The following CHD6 variants were observed in gnomAD, a reference collection of about 807,000 sequenced individuals.
CHD6 encodes the protein chromodomain helicase DNA binding protein 6, also known as ATP-dependent chromatin remodeler CHD6.
CHD6 carries 50 observed loss-of-function variants against 276.9 expected under a neutral mutation model. That is an observed-to-expected ratio of 0.18 (90% CI 0.14 to 0.23). The LOEUF (loss-of-function observed/expected upper bound fraction) is 0.23, where lower values mean the gene tolerates loss of function less well. Among genes scored for constraint, CHD6 ranks in the 10% least tolerant of loss-of-function variants. The pLI, the probability that CHD6 is intolerant of heterozygous loss-of-function variation, is 1.00. For missense variants in CHD6, 2,564 were observed against 3,365.8 expected (o/e 0.76, Z 5.89); for synonymous variants, 1,173 against 1,229.3 (o/e 0.95, Z 0.96).
chr20:41,558,295 CAT>C (rs1415042400), intron 1 of CHD6, among the ~76,000 whole-genome samples: 1 of 152,148 alleles, frequency 6.6e-6, no homozygotes, highest in Non-Finnish European at 1.5e-5. Context: ...GACGACGAGA[CAT>C]GTGAATGTCT....
chr20:41,422,134 G>A (rs572636201), intron 30 of CHD6, 55 bp from the exon 31 acceptor site: 42 of 1,514,766 alleles, frequency 2.8e-5, no homozygotes, highest in Middle Eastern at 1.8e-4. Flanking sequence ...GACACTCCCC[G>A]CCCACCTGAG....
intron 12 of CHD6, among the ~76,000 whole-genome samples, chr20:41,488,847 C>T (rs1018758478): frequency 6.6e-6 from 1 of 152,112 alleles, no homozygotes; most frequent in African/African-American, 2.4e-5. Flanking sequence ...GAAGGATGGG[C>T]AATATGGAAG....
At chr20:41,554,473 G>A (rs1265446071) in intron 1 of CHD6, among the ~76,000 whole-genome samples, 1 of 151,616 alleles carries the variant, frequency 6.6e-6, no homozygotes, top group African/African-American at 2.4e-5. Flanking sequence ...CAATAGTGGA[G>A]GGAAGGTCAG....
intron 2 of CHD6, among the ~76,000 whole-genome samples, chr20:41,537,999 C>T (rs189042222): frequency 1.2e-4 from 18 of 152,316 alleles, no homozygotes; most frequent in South Asian, 2.1e-4. Flanking sequence ...CATCGACAGA[C>T]GAACAGGCAA....
Position 41,554,377 on chromosome 20 carries a change from T to TA in CHD6, c.-23-3018_-23-3017insT, listed in dbSNP as rs535890602. Among the ~76,000 whole-genome samples, 14 of 150,206 alleles carry TA rather than the reference T, an allele frequency of 9.3e-5. No homozygotes were observed. The South Asian group carries it at 1.3e-3, about 14-fold the overall frequency. Reference sequence around the variant, plus strand: ...TATAATTGCTAATGGCACTTTTATTTTTTATTTATTTATTTATTTATTTAT... The same window carrying TA: ...TATAATTGCTAATGGCACTTTTATTTATTTATTTATTTATTTATTTATTTAT... On this transcript the variant is annotated intron_variant, in intron 1 of 36. Coordinates refer to ENST00000373233, the MANE Select transcript of CHD6 (RefSeq NM_032221.5).
At chr20:41,459,296 G>T (rs941756559) in intron 17 of CHD6, 2 of 152,650 alleles carry the variant, frequency 1.3e-5, no homozygotes, top group South Asian at 4.1e-4. Context: ...CAGAAGAGAG[G>T]CCACTGGGGC....
intron 1 of CHD6, among the ~76,000 whole-genome samples, chr20:41,590,184 C>A (rs2045641957): frequency 6.6e-6 from 1 of 152,138 alleles, no homozygotes; most frequent in Admixed American, 6.5e-5. Flanking sequence ...AAGTTCGATC[C>A]CTTCTTTACA....
chr20:41,497,659 G>A lies in CHD6; in HGVS notation c.975-158C>T, dbSNP rs78817470. 15 of 646,086 alleles carry A rather than the reference G, an allele frequency of 2.3e-5. No individual in the cohort carries two copies. In the African/African-American group the frequency reaches 2.5e-4, roughly 11 times the overall value. 40.0% of individuals were successfully genotyped at this position (646,086 alleles called of 1,614,324 possible). On this transcript the variant is annotated intron_variant, in intron 7 of 36. Coordinates refer to ENST00000373233, the MANE Select transcript of CHD6 (RefSeq NM_032221.5). ...GGGCTTAGAAAGACCTTCCCCTTAA[G>A]GGCAACAACAGAAAACAAAACAAAA... is the stretch of plus-strand genomic sequence containing the variant.
chr20:41,556,274 A>C (rs1220078037), intron 1 of CHD6, among the ~76,000 whole-genome samples: 2 of 144,800 alleles, frequency 1.4e-5, no homozygotes, highest in African/African-American at 5.2e-5. Flanking sequence ...GACCGTGGGG[A>C]GACGGGAGAG....
At chr20:41,507,186 C>A (rs1173475674) in intron 5 of CHD6, among the ~76,000 whole-genome samples, 2 of 152,112 alleles carry the variant, frequency 1.3e-5, no homozygotes, top group Non-Finnish European at 2.9e-5. Flanking sequence ...TTTTACCTAC[C>A]ATGAAGAATA....
intron 26 of CHD6, among the ~76,000 whole-genome samples, chr20:41,438,275 G>A: frequency 6.6e-6 from 1 of 152,124 alleles, no homozygotes; most frequent in Non-Finnish European, 1.5e-5. Context: ...ATGCCTACCT[G>A]TTTTTCATGA....
At chr20:41,461,551 C>T (rs775654436) in intron 17 of CHD6, among the ~76,000 whole-genome samples, 9 of 152,150 alleles carry the variant, frequency 5.9e-5, no homozygotes, top group South Asian at 2.1e-4. Context: ...TTTCTCTTGC[C>T]GCTTCCATGT....
intron 27 of CHD6, among the ~76,000 whole-genome samples, chr20:41,428,065 G>C (rs1427953625): frequency 3.9e-5 from 6 of 152,164 alleles, no homozygotes; most frequent in Non-Finnish European, 7.3e-5. Flanking sequence ...CTCCCAGCTT[G>C]GTGTGAGGCA....
intron 27 of CHD6, among the ~76,000 whole-genome samples, chr20:41,432,667 C>A (rs1394724872): frequency 6.6e-6 from 1 of 151,980 alleles, no homozygotes; most frequent in Non-Finnish European, 1.5e-5. Context: ...TCTCACAATA[C>A]AATGTCCAAA....
intron 5 of CHD6, among the ~76,000 whole-genome samples, chr20:41,511,937 C>T (rs2044127690): frequency 1.3e-5 from 2 of 151,674 alleles, no homozygotes; most frequent in Non-Finnish European, 2.9e-5. Context: ...TGATCTCATC[C>T]ACTTAACAGC....
intron 8 of CHD6, 63 bp from the exon 9 acceptor site, chr20:41,494,007 G>C: frequency 5.8e-6 from 7 of 1,196,792 alleles, no homozygotes; most frequent in Non-Finnish European, 8.7e-6. Flanking sequence ...CAACACCTAG[G>C]GTGTTATCTC....
chr20:41,435,145 T>TA (rs1447706028), intron 27 of CHD6, among the ~76,000 whole-genome samples: 8 of 150,786 alleles, frequency 5.3e-5, no homozygotes, highest in Admixed American at 2.6e-4. Context: ...CAAGGGAAAT[T>TA]AAAAAAAAAT....
Position 41,533,159 on chromosome 20 carries a change from C to T in CHD6, c.445G>A (p.Asp149Asn). 2 of 1,614,136 alleles carry T rather than the reference C, an allele frequency of 1.2e-6. No homozygotes were observed. The highest frequency in any genetic ancestry group is 1.7e-6 in the Non-Finnish European group (2 of 1,180,028). ...GGCTTCCGTGCCTTCTTTGCCCCAT[C>T]TTTTTGCTTCGGCTCCTTGTGCTCC... is the stretch of plus-strand genomic sequence containing the variant. ...AKEHKEPKQK[D>N]GAKKARKPRE... The change falls in exon 3 of 37, where the codon GAT becomes AAT. Residue 149 changes from aspartate (D) to asparagine (N), a missense_variant. Around this residue, in one of 7 missense-constraint regions of CHD6, gnomAD observed 286 missense variants for 297.8 expected, o/e 0.96. Transcript: ENST00000373233.
intron 1 of CHD6, among the ~76,000 whole-genome samples, chr20:41,575,525 G>A (rs570684493): frequency 4.6e-5 from 7 of 152,238 alleles, no homozygotes; most frequent in South Asian, 2.1e-4. Flanking sequence ...TAAGAGACTG[G>A]TGCCAAAGGA....
Sources: gnomAD v4.1 joint callset for allele counts (sites outside exome capture counted in the v4.1 genomes callset) on GRCh38, gnomAD v4.1.1 for gene constraint, gnomAD v4.1.1 regional missense constraint, MANE v1.5 for transcripts, NCBI Gene and HGNC (gene_info 2026-07-23, HGNC 2026-07-21) for gene names.